The following CFAP299 variants were observed in gnomAD, a reference collection of about 807,000 sequenced individuals.
The protein encoded by CFAP299 is cilia and flagella associated protein 299.
Under a neutral mutation model 27.0 loss-of-function variants are expected in CFAP299, and 21 were observed. The observed-to-expected ratio is 0.78, with a 90% confidence interval of 0.55 to 1.12. CFAP299 has a LOEUF of 1.12. CFAP299 is among the 50% of genes most tolerant of loss of function. The probability of loss-of-function intolerance (pLI) is 0.00; values close to 1 mark genes in which losing one functional copy is unlikely to be tolerated. For synonymous variants in CFAP299, 104 were observed against 98.1 expected, an observed-to-expected ratio of 1.06 and a Z score of -0.36; for missense variants, 310 against 276.6, an observed-to-expected ratio of 1.12 and a Z score of -0.86.
At chr4:80,899,365 C>A (rs1041558387) in intron 4 of CFAP299, among the ~76,000 whole-genome samples, 3 of 152,046 alleles carry the variant, frequency 2.0e-5, no homozygotes, top group Admixed American at 6.6e-5. Context: ...AGAATGCAAC[C>A]AACTAGAGTA....
Position 80,432,571 on chromosome 4 carries a change from C to T in CFAP299, c.242+69687C>T, listed in dbSNP as rs537641152. On this transcript the variant is annotated intron_variant, in intron 2 of 5. Coordinates refer to ENST00000358105, the MANE Select transcript of CFAP299 (RefSeq NM_152770.3). ...TTTTTGAGACGGAGTCTCACTCTGTCGCCCAGGCTGGAGTGCAGTGACTCA... is the reference window on the plus strand; with the variant it reads ...TTTTTGAGACGGAGTCTCACTCTGTTGCCCAGGCTGGAGTGCAGTGACTCA... Among the ~76,000 whole-genome samples, 882 of 126,928 alleles carry T rather than the reference C, an allele frequency of 6.9e-3. 14 individuals are homozygous for T. The highest frequency in any genetic ancestry group is 6.6e-3 in the Non-Finnish European group (420 of 63,594). 83.3% of individuals were successfully genotyped at this position (126,928 alleles called of 152,430 possible). A position where few individuals can be genotyped will look rare whatever the true frequency, so the allele number is the denominator to read the frequency against.
At chr4:80,403,511 G>A (rs1726264426) in intron 2 of CFAP299, among the ~76,000 whole-genome samples, 1 of 151,994 alleles carries the variant, frequency 6.6e-6, no homozygotes, top group Admixed American at 6.6e-5. Context: ...CCTAACACAG[G>A]CCCTTTGCAT....
intron 3 of CFAP299, among the ~76,000 whole-genome samples, chr4:80,758,162 G>A (rs1308577906): frequency 1.3e-5 from 2 of 152,212 alleles, no homozygotes; most frequent in East Asian, 3.9e-4. Flanking sequence ...CAGCATCCAG[G>A]AGGAATGAGG....
rs1345064485 is a variant in CFAP299, at chr4:80,623,507, A to G, written c.333+40324A>G. Among the ~76,000 whole-genome samples, 3 of 152,314 alleles carry G rather than the reference A, an allele frequency of 2.0e-5. No individual in the cohort carries two copies. In the East Asian group the frequency reaches 5.8e-4, roughly 29 times the overall value. ...GGAATATTGATTTTGACAACTATCC[A>G]TACACAAAAATATTCTTGCAAGAGC... On this transcript the variant is annotated intron_variant, in intron 3 of 5. Transcript: ENST00000358105.
chr4:80,854,841 A>C (rs1578185153), intron 3 of CFAP299, among the ~76,000 whole-genome samples: 1 of 147,096 alleles, frequency 6.8e-6, no homozygotes, highest in South Asian at 2.1e-4. Flanking sequence ...AAAAAAACAG[A>C]AAAGGAAAAT....
intron 3 of CFAP299, among the ~76,000 whole-genome samples, chr4:80,850,116 T>C (rs147234783): frequency 6.6e-6 from 1 of 152,262 alleles, no homozygotes; most frequent in African/African-American, 2.4e-5. Flanking sequence ...AGGGAATAGA[T>C]ACTTCAACTT....
rs368326968 is a variant in CFAP299 at position 80,691,312 on chromosome 4, G to A, written c.333+108129G>A. ...ATCCTCAATAAAATACTGGCAAACC[G>A]AATCCAGCAGCACATCAAAAAGCTT... On this transcript the variant is annotated intron_variant, in intron 3 of 5. Coordinates refer to ENST00000358105, the MANE Select transcript of CFAP299 (RefSeq NM_152770.3). 1.3e-4 allele frequency among the ~76,000 whole-genome samples: 17 copies of A among 130,950 alleles called. No individual in the cohort carries two copies. In the South Asian group the frequency reaches 2.0e-3, roughly 15 times the overall value. 85.9% of individuals were successfully genotyped at this position (130,950 alleles called of 152,430 possible). A position where few individuals can be genotyped will look rare whatever the true frequency, so the allele number is the denominator to read the frequency against.
intron 3 of CFAP299, among the ~76,000 whole-genome samples, chr4:80,602,357 C>T (rs999368911): frequency 6.6e-6 from 1 of 152,050 alleles, no homozygotes; most frequent in Non-Finnish European, 1.5e-5. Flanking sequence ...GGCTTATCCT[C>T]GTGGCTCTAA....
chr4:80,355,420 C>T (rs1452050612), intron 1 of CFAP299, among the ~76,000 whole-genome samples: 5 of 140,254 alleles, frequency 3.6e-5, no homozygotes, highest in African/African-American at 5.3e-5. Flanking sequence ...TGCAGTGGCG[C>T]GATCTCGGCT....
At chr4:80,769,736 A>G (rs541547688) in intron 3 of CFAP299, among the ~76,000 whole-genome samples, 2 of 152,318 alleles carry the variant, frequency 1.3e-5, no homozygotes, top group Admixed American at 1.3e-4. Flanking sequence ...TCAGAAGTCC[A>G]TGAATGGACT....
intron 3 of CFAP299, among the ~76,000 whole-genome samples, chr4:80,855,495 C>T (rs906726680): frequency 1.9e-4 from 29 of 151,890 alleles, no homozygotes; most frequent in African/African-American, 6.0e-4. Flanking sequence ...CATGCTGGTG[C>T]GCTGCACCGA....
chr4:80,335,960 C>G lies in CFAP299; in HGVS notation c.111+81C>G, dbSNP rs1443585065. 71 of 893,302 alleles carry G rather than the reference C, an allele frequency of 7.9e-5. 1 individual carries two copies. Among genetic ancestry groups the G allele is most frequent in the Non-Finnish European group, 1.3e-4 (70 of 536,560 alleles). 55.3% of individuals were successfully genotyped at this position (893,302 alleles called of 1,614,324 possible). On this transcript the variant is annotated intron_variant, in intron 1 of 5. Coordinates refer to ENST00000358105, the MANE Select transcript of CFAP299 (RefSeq NM_152770.3). ...GAGTTCCCGCTTCGTGGGCTGGTCGCCCCCTGGCGCTGGACAGCTCAGCTG... is the reference window on the plus strand; with the variant it reads ...GAGTTCCCGCTTCGTGGGCTGGTCGGCCCCTGGCGCTGGACAGCTCAGCTG...
intron 3 of CFAP299, among the ~76,000 whole-genome samples, chr4:80,589,375 A>G (rs544440606): frequency 1.3e-5 from 2 of 152,326 alleles, no homozygotes; most frequent in East Asian, 3.9e-4. Context: ...CCATGTGATT[A>G]GTTAAATATG....
chr4:80,936,952 T>C (rs1736918897), intron 4 of CFAP299, among the ~76,000 whole-genome samples: 1 of 152,132 alleles, frequency 6.6e-6, no homozygotes, highest in Non-Finnish European at 1.5e-5. Context: ...ATGTCCTTTA[T>C]CTGTTAGGTC....
At chr4:80,464,761 C>A (rs1374955022) in intron 2 of CFAP299, among the ~76,000 whole-genome samples, 1 of 151,746 alleles carries the variant, frequency 6.6e-6, no homozygotes, top group African/African-American at 2.4e-5. Context: ...GCTTCTTGTA[C>A]CTTGTCATAA....
rs72863135 is a variant in CFAP299 at position 80,571,138 on chromosome 4, G to T, written c.243-11955G>T. Among the ~76,000 whole-genome samples, 475 of 152,196 alleles carry T rather than the reference G, an allele frequency of 3.1e-3. 1 individual carries two copies. Among genetic ancestry groups the T allele is most frequent in the African/African-American group, 0.011 (457 of 41,534 alleles). ...TAAAAGTGAGAAGGTAGTTAGCCAT[G>T]CTGTAGGAGGTGGGAAAATGGAGTT... On this transcript the variant is annotated intron_variant, in intron 2 of 5. Transcript: ENST00000358105.
At chr4:80,515,409 C>G (rs76514171) in intron 2 of CFAP299, among the ~76,000 whole-genome samples, 1 of 152,102 alleles carries the variant, frequency 6.6e-6, no homozygotes. Context: ...TTGCTATGCT[C>G]TCCATTTCAT....
chr4:80,558,362 G>GTTTT lies in CFAP299; in HGVS notation c.243-24728_243-24727insTTTT, dbSNP rs1351346440. Among the ~76,000 whole-genome samples, 16 of 125,348 alleles carry GTTTT rather than the reference G, an allele frequency of 1.3e-4. 1 individual carries two copies. Among genetic ancestry groups the GTTTT allele is most frequent in the South Asian group, 2.5e-4 (1 of 4,010 alleles). The allele number at this position is 125,348 out of a possible 152,430, so 82.2% of individuals were successfully genotyped here. A position where few individuals can be genotyped will look rare whatever the true frequency, so the allele number is the denominator to read the frequency against. ...GGTTTTTTTGTTTGTTTGTTTGTTT[G>GTTTT]TTTGTTTTTTTTTTGGCCAGGAACC... On this transcript the variant is annotated intron_variant, in intron 2 of 5. Coordinates refer to ENST00000358105, the MANE Select transcript of CFAP299 (RefSeq NM_152770.3).
At chr4:80,531,565 A>G (rs1267021520) in intron 2 of CFAP299, among the ~76,000 whole-genome samples, 1 of 152,148 alleles carries the variant, frequency 6.6e-6, no homozygotes, top group Non-Finnish European at 1.5e-5. Flanking sequence ...GAAAAACCTC[A>G]AAGATTATTT....
Sources: gnomAD v4.1 joint callset for allele counts (sites outside exome capture counted in the v4.1 genomes callset) on GRCh38, gnomAD v4.1.1 for gene constraint, MANE v1.5 for transcripts, NCBI Gene and HGNC (gene_info 2026-07-23, HGNC 2026-07-21) for gene names.